SVOPL: variants seen among roughly 807,000 people sequenced by gnomAD.
SVOPL encodes the protein SVOP like.
A neutral mutation model predicts 61.0 loss-of-function variants in SVOPL; 60 were observed. The ratio of observed to expected loss-of-function variants is 0.98; its 90% CI spans 0.80 to 1.22. SVOPL has a LOEUF of 1.22. Ranked by LOEUF, SVOPL falls within the 50% of genes most tolerant of loss-of-function variation. SVOPL has a pLI of 0.00. For missense variants in SVOPL, 662 were observed against 643.9 expected, an observed-to-expected ratio of 1.03 and a Z score of -0.30; for synonymous variants, 279 against 250.0, an observed-to-expected ratio of 1.12 and a Z score of -1.09.
rs112396955 is a variant in SVOPL, at chr7:138,594,482, T to TA, written c.*127dup. The TA allele has an allele frequency of 8.5e-4, 587 of 691,064 alleles. No individual in the cohort carries two copies. The highest frequency in any genetic ancestry group is 1.3e-3 in the East Asian group (41 of 31,432). 42.8% of individuals were successfully genotyped at this position (691,064 alleles called of 1,614,324 possible). A position where few individuals can be genotyped will look rare whatever the true frequency, so the allele number is the denominator to read the frequency against. ...CCTACCCCATTCCCATATATGCCTT[T>TA]AAAAAAAAAATCACTTTACTAATTA... On this transcript the variant is annotated 3_prime_UTR_variant, in exon 16 of 16. Transcript: ENST00000674285.
chr7:138,625,422 T>C (rs993058495), intron 13 of SVOPL, among the ~76,000 whole-genome samples: 1 of 152,212 alleles, frequency 6.6e-6, no homozygotes, highest in African/African-American at 2.4e-5. Flanking sequence ...TATTCAAATA[T>C]TGTTTCATTT....
intron 5 of SVOPL, chr7:138,661,306 A>G (rs1283992515): frequency 3.0e-6 from 3 of 985,470 alleles, no homozygotes; most frequent in Non-Finnish European, 3.6e-6. Flanking sequence ...AAGCTATACC[A>G]ACATGAGCAA....
At chr7:138,682,968 C>CAAAAA (rs762982090) in intron 1 of SVOPL, among the ~76,000 whole-genome samples, 9 of 95,416 alleles carry the variant, frequency 9.4e-5, no homozygotes, top group African/African-American at 2.9e-4. Context: ...AACTCCATCT[C>CAAAAA]AAAAAAAAAA....
chr7:138,644,704 G>A lies in SVOPL; in HGVS notation c.789+13C>T. ...ACTGGTGATAGGAGAAGACCTCGGG[G>A]GCCAGCACTCACCAGGACGGGCTCC... On this transcript the variant is annotated intron_variant, in intron 9 of 15. Coordinates refer to ENST00000674285, the MANE Select transcript of SVOPL (RefSeq NM_001139456.2). 3 of 1,613,570 alleles carry A rather than the reference G, an allele frequency of 1.9e-6. No individual in the cohort carries two copies. The highest frequency in any genetic ancestry group is 2.5e-6 in the Non-Finnish European group (3 of 1,179,810).
rs189449438 is a variant in SVOPL at position 138,669,778 on chromosome 7, C to T, written c.273+2241G>A. Among the ~76,000 whole-genome samples, 20 of 152,344 alleles carry T rather than the reference C, an allele frequency of 1.3e-4. No homozygotes were observed. In the East Asian group the frequency reaches 3.9e-3, roughly 29 times the overall value. On this transcript the variant is annotated intron_variant, in intron 4 of 15. Coordinates refer to ENST00000674285, the MANE Select transcript of SVOPL (RefSeq NM_001139456.2). Reference sequence around the variant, plus strand: ...CCAAGCTGGGTTATTGGTAATCACTCTTGTGATTCCTTCCTGCTATGCCCA... The same window carrying T: ...CCAAGCTGGGTTATTGGTAATCACTTTTGTGATTCCTTCCTGCTATGCCCA...
chr7:138,607,929 T>TA (rs112133158), intron 14 of SVOPL, among the ~76,000 whole-genome samples: 2 of 152,044 alleles, frequency 1.3e-5, no homozygotes, highest in Non-Finnish European at 2.9e-5. Context: ...AAATCAATAT[T>TA]AAAAAAATCA....
chr7:138,644,665 AT>A (rs1037371979), intron 9 of SVOPL, 51 bp downstream of exon 9: 12 of 1,597,476 alleles, frequency 7.5e-6, no homozygotes, highest in Non-Finnish European at 1.0e-5. Context: ...AACTGAGGGG[AT>A]TTCCCAGTGG....
At chr7:138,629,279 T>C (rs1415520878) in intron 10 of SVOPL, among the ~76,000 whole-genome samples, 4 of 151,450 alleles carry the variant, frequency 2.6e-5, no homozygotes, top group African/African-American at 7.3e-5. Context: ...CACCCAGGCT[T>C]GAGTGCAGTG....
intron 7 of SVOPL, among the ~76,000 whole-genome samples, chr7:138,650,068 G>A (rs1318349791): frequency 6.6e-6 from 1 of 152,122 alleles, no homozygotes; most frequent in Non-Finnish European, 1.5e-5. Context: ...CTGATCTCGT[G>A]ATCTGCCCAC....
At chr7:138,608,535 A>C (rs1798854922) in intron 14 of SVOPL, among the ~76,000 whole-genome samples, 1 of 152,178 alleles carries the variant, frequency 6.6e-6, no homozygotes, top group South Asian at 2.1e-4. Context: ...ATTGGACCTC[A>C]CGCCTCAACA....
In SVOPL at chr7:138,681,142, TGAAA is replaced by T. The variant is rs1212740149; in HGVS notation, c.-34-2067_-34-2064del. 1.2e-4 allele frequency among the ~76,000 whole-genome samples: 12 copies of T among 102,110 alleles called. No homozygotes were observed. The East Asian group carries it at 3.4e-3, about 29-fold the overall frequency. The allele number at this position is 102,110 out of a possible 152,430, so 67.0% of individuals were successfully genotyped here. Reference sequence around the variant, plus strand: ...AAATTTATAATCCTAATTTTGAACTTGAAAGAGATATGAAATTATTATATAACAT... The same window carrying T: ...AAATTTATAATCCTAATTTTGAACTTGAGATATGAAATTATTATATAACAT... On this transcript the variant is annotated intron_variant, in intron 1 of 15. Transcript: ENST00000674285.
intron 9 of SVOPL, among the ~76,000 whole-genome samples, chr7:138,642,311 T>G (rs1414584209): frequency 1.1e-5 from 1 of 91,654 alleles, no homozygotes; most frequent in African/African-American, 4.5e-5. Context: ...AAAAAATCAA[T>G]AAAGAGAATG....
Position 138,628,260 on chromosome 7 carries a change from T to C in SVOPL, c.967A>G (p.Thr323Ala). ...TGGCTCTCCCCTGAGTCCCCCCCAG[T>C]CACCACCACCGCAGAGTCTGACTTT... ...GSKSDSAVVVTGGDSGESQSP... is the reference protein window; with the variant it reads ...GSKSDSAVVVAGGDSGESQSP... Residue 323 changes from threonine to alanine, a missense_variant, in exon 11 of 16, where the codon ACT becomes GCT. By Grantham distance (58) the Thr-to-Ala change is moderately conservative (BLOSUM62 0). Transcript: ENST00000674285. 1 of 1,613,996 alleles carries C rather than the reference T, an allele frequency of 6.2e-7. No homozygotes were observed. The highest frequency in any genetic ancestry group is 8.5e-7 in the Non-Finnish European group (1 of 1,179,998).
At chr7:138,616,871 C>T (rs774437217) in intron 14 of SVOPL, among the ~76,000 whole-genome samples, 1 of 152,190 alleles carries the variant, frequency 6.6e-6, no homozygotes, top group Non-Finnish European at 1.5e-5. Context: ...ATCACAGCCT[C>T]GAACTCCCAG....
Position 138,613,164 on chromosome 7 carries a change from C to T in SVOPL, c.1353+7882G>A, listed in dbSNP as rs563055574. On this transcript the variant is annotated intron_variant, in intron 14 of 15. Coordinates refer to ENST00000674285, the MANE Select transcript of SVOPL (RefSeq NM_001139456.2). ...CCTCCCAACTAGCTGGGACTACAGA[C>T]GCGTGCCACCACGCCTGGCTAATTT... Among the ~76,000 whole-genome samples the T allele has an allele frequency of 2.6e-3, 391 of 152,052 alleles. 4 individuals carry two copies. Among genetic ancestry groups the T allele is most frequent in the African/African-American group, 8.7e-3 (361 of 41,492 alleles).
intron 3 of SVOPL, among the ~76,000 whole-genome samples, chr7:138,676,454 G>A (rs114267746): frequency 0.014 from 2,170 of 152,252 alleles, 46 homozygotes; most frequent in African/African-American, 0.049. Flanking sequence ...AGGAACCACT[G>A]CGCTCACAGG....
At chr7:138,666,317 T>C (rs1802259026) in intron 4 of SVOPL, among the ~76,000 whole-genome samples, 2 of 152,230 alleles carry the variant, frequency 1.3e-5, no homozygotes, top group Admixed American at 1.3e-4. Flanking sequence ...GGTTGACACT[T>C]TCTAAAGTAT....
rs184881385 is a variant in SVOPL, at chr7:138,614,430, C to T, written c.1353+6616G>A. Among the ~76,000 whole-genome samples, 58 of 146,424 alleles carry T rather than the reference C, an allele frequency of 4.0e-4. No homozygotes were observed. The Admixed American group carries it at 4.0e-3, about 10-fold the overall frequency. ...TTTTTTTTTGAGACAGAGTGTCACT[C>T]TGTTGCCCAGGCTGGAGTGCAATGG... On this transcript the variant is annotated intron_variant, in intron 14 of 15. Coordinates refer to ENST00000674285, the MANE Select transcript of SVOPL (RefSeq NM_001139456.2).
At position 138,625,858 on chromosome 7, in the gene SVOPL, T is replaced by C; in HGVS notation, c.1263+111A>G. 3 of 1,075,764 alleles carry C rather than the reference T, an allele frequency of 2.8e-6. No individual in the cohort carries two copies. In the South Asian group the frequency reaches 4.9e-5, roughly 17 times the overall value. 66.6% of individuals were successfully genotyped at this position (1,075,764 alleles called of 1,614,324 possible). The stretch of plus-strand genomic sequence containing the variant: ...TGGTGTCTTTTTAACAGATTGTTTT[T>C]AGAAAATCATCAAAAGTCAACAGAA... On this transcript the variant is annotated intron_variant, in intron 13 of 15. Transcript: ENST00000674285.
Sources: allele counts gnomAD v4.1 joint callset (sites outside exome capture counted in the v4.1 genomes callset), GRCh38; gene constraint gnomAD v4.1.1; transcripts MANE v1.5; gene names NCBI Gene and HGNC (gene_info 2026-07-23, HGNC 2026-07-21).